AGTPBP1: variants seen among roughly 807,000 people sequenced by gnomAD.
AGTPBP1 encodes cytosolic carboxypeptidase 1.
A neutral mutation model predicts 143.9 loss-of-function variants in AGTPBP1; 70 were observed. The ratio of observed to expected loss-of-function variants is 0.49; its 90% confidence interval spans 0.40 to 0.59. AGTPBP1 has a LOEUF of 0.59. AGTPBP1 is among the 20% of genes least tolerant of loss of function. The pLI is 0.00. For missense variants in AGTPBP1, 1,229 were observed against 1,464.5 expected (o/e 0.84, Z 2.62); for synonymous variants, 463 against 500.2 (o/e 0.93, Z 0.99).
At chr9:85,744,102 T>A (rs929060381), upstream of AGTPBP1, among the ~76,000 whole-genome samples, 19 of 152,064 alleles carry the variant, frequency 1.2e-4, no homozygotes, top group African/African-American at 3.6e-4. Flanking sequence ...CTAATTTTTT[T>A]AATTGTTTTT....
chr9:85,756,940 G>A, the AGTPBP1 span, among the ~76,000 whole-genome samples: 1 of 150,826 alleles, frequency 6.6e-6, no homozygotes, highest in Admixed American at 6.6e-5. Context: ...GGTTACCTAG[G>A]GTTGGTGGGG....
chr9:85,677,707 A>G, intron 5 of AGTPBP1, 125 bp from the exon 6 acceptor site: 1 of 801,330 alleles, frequency 1.2e-6, no homozygotes, highest in Non-Finnish European at 1.8e-6. Context: ...TGACCTCTAA[A>G]ATCAAACAAA....
intron 2 of AGTPBP1, among the ~76,000 whole-genome samples, chr9:85,696,562 G>A (rs1183719179): frequency 6.6e-6 from 1 of 152,026 alleles, no homozygotes; most frequent in African/African-American, 2.4e-5. Context: ...CAGCTACTTG[G>A]GAGGCTGAGG....
intron 14 of AGTPBP1, among the ~76,000 whole-genome samples, chr9:85,629,630 T>C (rs537329336): frequency 6.6e-6 from 1 of 152,344 alleles, no homozygotes; most frequent in African/African-American, 2.4e-5. Flanking sequence ...TTCACAGAGA[T>C]ATGACAGCTA....
chr9:85,753,950 G>A, the AGTPBP1 span, among the ~76,000 whole-genome samples: 1 of 152,068 alleles, frequency 6.6e-6, no homozygotes, highest in Non-Finnish European at 1.5e-5. Context: ...TTTGTTAGAT[G>A]GGTATATTGT....
intron 8 of AGTPBP1, among the ~76,000 whole-genome samples, chr9:85,667,714 T>G (rs1278739746): frequency 6.6e-6 from 1 of 152,114 alleles, no homozygotes; most frequent in Non-Finnish European, 1.5e-5. Context: ...ATATGTTAAA[T>G]AACTTCAGGA....
intron 25 of AGTPBP1, among the ~76,000 whole-genome samples, chr9:85,562,228 CA>C (rs71370872): frequency 0.017 from 2,248 of 130,022 alleles, 23 homozygotes; most frequent in African/African-American, 0.032. Context: ...AAAAGAAAGC[CA>C]AAAAAAAAAA....
rs747285262 is a variant in AGTPBP1 at position 85,633,071 on chromosome 9, G to A, written c.1606C>T (p.Arg536Ter). ...GAAGGAATATTCTGCAATGTAATTC[G>A]GTCCAAGGCCTTTACAATATCATTG... ...LNNDIVKALD[R>*]ITLQNIPSQT... Residue 536 changes from arginine to a stop codon, truncating the protein, a stop_gained, in exon 14 of 26, where the codon CGA becomes TGA. Transcript: ENST00000357081. LOFTEE classifies it high-confidence loss of function. 4 of 1,614,076 alleles carry A rather than the reference G, an allele frequency of 2.5e-6. No homozygotes were observed. Among genetic ancestry groups the A allele is most frequent in the Non-Finnish European group, 2.5e-6 (3 of 1,180,006 alleles).
At chr9:85,796,299 G>A in the AGTPBP1 span, among the ~76,000 whole-genome samples, 2 of 152,112 alleles carry the variant, frequency 1.3e-5, no homozygotes, top group Non-Finnish European at 2.9e-5. Flanking sequence ...TATGAGTGAG[G>A]GGTTGAATTC....
chr9:85,603,323 G>C (rs553500215), intron 17 of AGTPBP1, among the ~76,000 whole-genome samples: 2 of 152,310 alleles, frequency 1.3e-5, no homozygotes, highest in South Asian at 4.1e-4. Flanking sequence ...TACCAACTCA[G>C]CCACAGTAAA....
At chr9:85,588,727 C>T (rs1322286251) in intron 20 of AGTPBP1, among the ~76,000 whole-genome samples, 1 of 152,124 alleles carries the variant, frequency 6.6e-6, no homozygotes, top group African/African-American at 2.4e-5. Context: ...TCCACTTATT[C>T]ATTTCCCAAT....
intron 1 of AGTPBP1, among the ~76,000 whole-genome samples, chr9:85,726,977 G>GA (rs1838534628): frequency 6.6e-6 from 1 of 152,114 alleles, no homozygotes; most frequent in African/African-American, 2.4e-5. Context: ...AAGAGAAACT[G>GA]AAAAAAGTTC....
chr9:85,581,864 A>G (rs1179216499), intron 23 of AGTPBP1, among the ~76,000 whole-genome samples: 1 of 152,214 alleles, frequency 6.6e-6, no homozygotes, highest in African/African-American at 2.4e-5. Context: ...TTTGAATGTC[A>G]ACATGATGCT....
chr9:85,602,335 A>G (rs1427071407), intron 17 of AGTPBP1, among the ~76,000 whole-genome samples: 1 of 152,212 alleles, frequency 6.6e-6, no homozygotes, highest in Non-Finnish European at 1.5e-5. Context: ...GAACTGAAGA[A>G]TATTCATTAA....
intron 13 of AGTPBP1, among the ~76,000 whole-genome samples, chr9:85,637,067 G>C (rs541986221): frequency 3.7e-4 from 53 of 142,676 alleles, no homozygotes; most frequent in Non-Finnish European, 6.7e-4. Context: ...TTTAGACAGA[G>C]TTTCGCTCTT....
upstream of AGTPBP1, among the ~76,000 whole-genome samples, chr9:85,744,395 T>A (rs1824558947): frequency 6.6e-6 from 1 of 152,238 alleles, no homozygotes; most frequent in Non-Finnish European, 1.5e-5. Context: ...CTATACATTG[T>A]GAACCTAAGA....
chr9:85,726,704 C>A (rs1373225895), intron 1 of AGTPBP1, among the ~76,000 whole-genome samples: 1 of 152,042 alleles, frequency 6.6e-6, no homozygotes, highest in Non-Finnish European at 1.5e-5. Context: ...CAGCAAAATT[C>A]AAAAGACACT....
chr9:85,694,137 A>C lies in AGTPBP1; in HGVS notation c.33-1324T>G, dbSNP rs371071562. On this transcript the variant is annotated intron_variant, in intron 2 of 25. Coordinates refer to ENST00000357081, the MANE Select transcript of AGTPBP1 (RefSeq NM_001330701.2). ...GACTTTGGCTTTTACAATGAGTGAG[A>C]TGGGAAATTTTTGAGCAGAAGAGTT... Among the ~76,000 whole-genome samples the C allele has an allele frequency of 9.9e-5, 15 of 152,276 alleles. No individual in the cohort carries two copies. The East Asian group carries it at 1.5e-3, about 16-fold the overall frequency.
At chr9:85,751,343 A>C in the AGTPBP1 span, among the ~76,000 whole-genome samples, 2 of 152,244 alleles carry the variant, frequency 1.3e-5, no homozygotes, top group African/African-American at 4.8e-5. Context: ...ACACTTTTAT[A>C]AAACATGAAT....
Sources: gnomAD v4.1 joint callset for allele counts (sites outside exome capture counted in the v4.1 genomes callset) on GRCh38, gnomAD v4.1.1 for gene constraint, MANE v1.5 for transcripts, NCBI Gene and HGNC (gene_info 2026-07-23, HGNC 2026-07-21) for gene names.